Variants in EIF2B5 observed in about 807,000 individuals in gnomAD.
The protein encoded by EIF2B5 is eukaryotic translation initiation factor 2B subunit epsilon, also known as translation initiation factor eIF2B subunit epsilon.
A neutral mutation model predicts 87.3 loss-of-function variants in EIF2B5; 38 were observed. That is an observed-to-expected ratio of 0.44 (90% CI 0.34 to 0.57). The LOEUF (loss-of-function observed/expected upper bound fraction) is 0.57. Among genes scored for constraint, EIF2B5 ranks in the 20% least tolerant of loss-of-function variants. The pLI is 0.02. For missense variants in EIF2B5, 784 were observed against 909.5 expected (o/e 0.86, Z 1.78); for synonymous variants, 313 against 339.6 (o/e 0.92, Z 0.86).
intron 13 of EIF2B5, 100 bp downstream of exon 13, chr3:184,143,665 C>T: frequency 1.9e-6 from 3 of 1,574,922 alleles, no homozygotes; most frequent in Non-Finnish European, 2.6e-6. Context: ...CTTCTGGTTC[C>T]TTTTTCCTTG....
In EIF2B5 at chr3:184,144,114, A is replaced by G; in HGVS notation, c.1885A>G (p.Ser629Gly). Residue 629 changes from serine to glycine, a missense_variant, in exon 14 of 16, where the codon AGC (serine) becomes GGC (glycine). This residue lies in a region of EIF2B5 where 660 missense variants were observed against 789.5 expected (regional missense o/e 0.84). Transcript: ENST00000648915. ...TCTTCCATAGCTGCTAAAGGCCTGG[A>G]GCCCTGTTTTTAGGAACTACATAAA... ...ALLLPLLKAW[S>G]PVFRNYIKRA... 3 of 1,614,208 alleles carry G rather than the reference A, an allele frequency of 1.9e-6. No individual in the cohort carries two copies. The highest frequency in any genetic ancestry group is 2.5e-6 in the Non-Finnish European group (3 of 1,180,038).
chr3:184,143,230 T>G (rs747785207), intron 12 of EIF2B5, 88 bp downstream of exon 12: 18 of 1,511,286 alleles, frequency 1.2e-5, no homozygotes, highest in Non-Finnish European at 1.6e-5. Flanking sequence ...AATAGGAACC[T>G]ATTCCTTCGA....
chr3:184,137,133 C>T, intron 2 of EIF2B5: 2 of 346,982 alleles, frequency 5.8e-6, no homozygotes, highest in Non-Finnish European at 5.4e-6. Context: ...ATTCCCACTG[C>T]CTAGCTCAGT....
intron 2 of EIF2B5, chr3:184,137,166 A>G (rs972263428): frequency 1.2e-5 from 4 of 338,148 alleles, no homozygotes; most frequent in Non-Finnish European, 1.7e-5. Flanking sequence ...GTGAGCACTT[A>G]CATGTTTGTT....
At position 184,143,154 on chromosome 3, in the gene EIF2B5, C is replaced by T; in HGVS notation, c.1745+12C>T. On this transcript the variant is annotated intron_variant, in intron 12 of 15. Transcript: ENST00000648915. ...ATCAACTCTCTCAAGTAAGAGCAGCCCCTCCCTGTTCTCCTCGGGGTGATC... is the reference window on the plus strand; with the variant it reads ...ATCAACTCTCTCAAGTAAGAGCAGCTCCTCCCTGTTCTCCTCGGGGTGATC... 1 of 1,611,662 alleles carries T rather than the reference C, an allele frequency of 6.2e-7. No individual in the cohort carries two copies. Among genetic ancestry groups the T allele is most frequent in the Non-Finnish European group, 8.5e-7 (1 of 1,178,878 alleles).
In EIF2B5 at chr3:184,142,150, C is replaced by T; in HGVS notation, c.1302+80C>T. The T allele has an allele frequency of 6.2e-7, 1 of 1,613,834 alleles. No individual in the cohort carries two copies. Among genetic ancestry groups the T allele is most frequent in the Non-Finnish European group, 8.5e-7 (1 of 1,179,846 alleles). Reference sequence around the variant, plus strand: ...AGCCAGAAGGGGCATTATTTCCACCCATAATCCTGTCTAAAAAAGTTGCTC... The same window carrying T: ...AGCCAGAAGGGGCATTATTTCCACCTATAATCCTGTCTAAAAAAGTTGCTC... On this transcript the variant is annotated intron_variant, in intron 8 of 15. Transcript: ENST00000648915. This position sits in a 1 kb window ranked among gnomAD's most constrained non-coding sequence, Gnocchi z 5.0.
Position 184,142,667 on chromosome 3 carries a change from A to G in EIF2B5, c.1546+64A>G. Reference sequence around the variant, plus strand: ...CGGAATATTTTGAAGGATAATGAATACTTCAGAGTCACATTACTTATTCAC... The same window carrying G: ...CGGAATATTTTGAAGGATAATGAATGCTTCAGAGTCACATTACTTATTCAC... On this transcript the variant is annotated intron_variant, in intron 10 of 15. Transcript: ENST00000648915. The surrounding 1 kb of genome is among the most constrained non-coding windows in gnomAD (Gnocchi z 5.0). The G allele has an allele frequency of 3.9e-6, 6 of 1,551,660 alleles. No homozygotes were observed. In the South Asian group the frequency reaches 4.6e-5, roughly 12 times the overall value.
At position 184,143,102 on chromosome 3, in the gene EIF2B5, A is replaced by G. The variant is rs1360651642; in HGVS notation, c.1705A>G (p.Ile569Val). The change falls in exon 12 of 16, where the codon ATT (isoleucine) becomes GTT (valine). Residue 569 changes from isoleucine (I) to valine (V), a missense_variant. This residue lies in a region of EIF2B5 where 660 missense variants were observed against 789.5 expected (regional missense o/e 0.84). Coordinates refer to ENST00000648915, the MANE Select transcript of EIF2B5 (RefSeq NM_003907.3). The part of the protein sequence containing the change: ...GTLQRGKEEN[I>V]SCDNLVLEIN... Reference sequence around the variant, plus strand: ...ACTACAGCGGGGCAAAGAGGAGAACATTTCTTGTGACAATCTCGTCCTGGA... The same window carrying G: ...ACTACAGCGGGGCAAAGAGGAGAACGTTTCTTGTGACAATCTCGTCCTGGA... 1 of 1,613,936 alleles carries G rather than the reference A, an allele frequency of 6.2e-7. No homozygotes were observed. Among genetic ancestry groups the G allele is most frequent in the East Asian group, 2.2e-5 (1 of 44,880 alleles).
rs201196989 is a variant in EIF2B5, at chr3:184,142,909, G to A, written c.1654+23G>A. On this transcript the variant is annotated intron_variant, in intron 11 of 15. Coordinates refer to ENST00000648915, the MANE Select transcript of EIF2B5 (RefSeq NM_003907.3). The surrounding 1 kb of genome is among the most constrained non-coding windows in gnomAD (Gnocchi z 5.0). ...AAGGTGAGTGGCAGGGGAGAAATGC[G>A]CTGGACCAGTTTATTCTCTGCCTGG... 2.2e-5 allele frequency: 35 copies of A among 1,600,934 alleles called. No individual in the cohort carries two copies. Among genetic ancestry groups the A allele is most frequent in the South Asian group, 1.2e-4 (11 of 89,660 alleles).
At position 184,137,709 on chromosome 3, in the gene EIF2B5, A is replaced by T; in HGVS notation, c.410A>T (p.Asp137Val). ...CGATCACTGGGAGATGTCCTCCGTG[A>T]TGTTGATGCCAAGGCTTTGGTGCGC... Reference protein sequence around the residue: ...LYRSLGDVLRDVDAKALVRSD... With the variant: ...LYRSLGDVLRVVDAKALVRSD... The change falls in exon 3 of 16, where the codon GAT becomes GTT. Residue 137 changes from aspartate (D) to valine (V), a missense_variant. Coordinates refer to ENST00000648915, the MANE Select transcript of EIF2B5 (RefSeq NM_003907.3). 6.2e-7 allele frequency: 1 copy of T among 1,614,162 alleles called. No individual in the cohort carries two copies. Among genetic ancestry groups the T allele is most frequent in the Non-Finnish European group, 8.5e-7 (1 of 1,180,026 alleles).
At chr3:184,136,515 A>G in intron 1 of EIF2B5, 97 bp from the exon 2 acceptor site, 1 of 1,494,222 alleles carries the variant, frequency 6.7e-7, no homozygotes, top group South Asian at 1.1e-5. Flanking sequence ...GCAAAATTAC[A>G]CTGTTTGGAA....
chr3:184,142,926 T>G lies in EIF2B5; in HGVS notation c.1654+40T>G, dbSNP rs150324150. ...AGAAATGCGCTGGACCAGTTTATTC[T>G]CTGCCTGGATCAACTAGCCAGAGGC... On this transcript the variant is annotated intron_variant, in intron 11 of 15. Coordinates refer to ENST00000648915, the MANE Select transcript of EIF2B5 (RefSeq NM_003907.3). The surrounding 1 kb of genome is among the most constrained non-coding windows in gnomAD (Gnocchi z 5.0). The G allele has an allele frequency of 6.3e-7, 1 of 1,587,718 alleles. No homozygotes were observed. Among genetic ancestry groups the G allele is most frequent in the African/African-American group, 1.3e-5 (1 of 74,528 alleles).
rs1030824269 is a variant in EIF2B5, at chr3:184,135,724, C to CT, written c.195+145dup. On this transcript the variant is annotated intron_variant, in intron 1 of 15. Coordinates refer to ENST00000648915, the MANE Select transcript of EIF2B5 (RefSeq NM_003907.3). ...CTAAAACCGGATGCAGAGGGACTGT[C>CT]TAAACCCTGATGACTGCTGACCAAG... is the stretch of plus-strand genomic sequence containing the variant. 3.4e-5 allele frequency: 40 copies of CT among 1,178,620 alleles called. No individual in the cohort carries two copies. In the Middle Eastern group the frequency reaches 8.4e-4, roughly 25 times the overall value. The allele number at this position is 1,178,620 out of a possible 1,614,324, so 73.0% of individuals were successfully genotyped here.
At position 184,144,608 on chromosome 3, in the gene EIF2B5, T is replaced by C; in HGVS notation, c.2007T>C (p.Ala669=). 3 of 1,614,138 alleles carry C rather than the reference T, an allele frequency of 1.9e-6. No homozygotes were observed. Among genetic ancestry groups the C allele is most frequent in the Non-Finnish European group, 2.5e-6 (3 of 1,180,036 alleles). Residue 669 remains alanine, a synonymous_variant, in exon 15 of 16, where the codon GCT becomes GCC. Transcript: ENST00000648915. ...TTGGCCTTTTGCAGGTACTGATGGC[T>C]TTCTACCAGCTGGAGATCCTGGCTG... is the stretch of plus-strand genomic sequence containing the variant. The part of the protein sequence containing the change: ...LGISMAKVLM[A]FYQLEILAEE...
In EIF2B5 at chr3:184,140,729, T is replaced by C; in HGVS notation, c.1155T>C (p.Ile385=). The change falls in exon 7 of 16, where the codon ATT becomes ATC. Residue 385 remains isoleucine (I), a splice_region_variant and synonymous_variant. Transcript: ENST00000648915. ...GTGTCATTGGCCCCGGCTGCCACATTGGTGAGCACAGGTGGGGAATCAAGC... is the reference window on the plus strand; with the variant it reads ...GTGTCATTGGCCCCGGCTGCCACATCGGTGAGCACAGGTGGGGAATCAAGC... ...TNSVIGPGCH[I]GDNVVLDQTY... The C allele has an allele frequency of 6.2e-7, 1 of 1,614,024 alleles. No individual in the cohort carries two copies. The highest frequency in any genetic ancestry group is 8.5e-7 in the Non-Finnish European group (1 of 1,180,042).
chr3:184,142,114 C>T lies in EIF2B5; in HGVS notation c.1302+44C>T. On this transcript the variant is annotated intron_variant, in intron 8 of 15. Transcript: ENST00000648915. This position sits in a 1 kb window ranked among gnomAD's most constrained non-coding sequence, Gnocchi z 5.0. ...TGTGCACAGGCCCTGAATTGCATGG[C>T]AGTCACACTGAGCCAGAAGGGGCAT... 2 of 1,614,112 alleles carry T rather than the reference C, an allele frequency of 1.2e-6. No homozygotes were observed. Among genetic ancestry groups the T allele is most frequent in the South Asian group, 1.1e-5 (1 of 91,026 alleles).
intron 14 of EIF2B5, among the ~76,000 whole-genome samples, 173 bp downstream of exon 14, chr3:184,144,397 T>TG (rs1205144716): frequency 6.6e-6 from 1 of 152,208 alleles, no homozygotes; most frequent in Admixed American, 6.5e-5. Context: ...GGTAGCCATC[T>TG]GGGGGGTGGT....
At position 184,143,080 on chromosome 3, in the gene EIF2B5, A is replaced by G. The variant is rs756747325; in HGVS notation, c.1683A>G (p.Leu561=). Residue 561 remains leucine (L), a synonymous_variant, in exon 12 of 16, where the codon CTA becomes CTG. Transcript: ENST00000648915. Reference sequence around the variant, plus strand: ...TCCAGAATGAAGTTTTAGGAACACTACAGCGGGGCAAAGAGGAGAACATTT... The same window carrying G: ...TCCAGAATGAAGTTTTAGGAACACTGCAGCGGGGCAAAGAGGAGAACATTT... ...KVFQNEVLGT[L]QRGKEENISC... is the part of the protein sequence containing the mutation. The G allele has an allele frequency of 6.2e-7, 1 of 1,613,940 alleles. No homozygotes were observed. Among genetic ancestry groups the G allele is most frequent in the Non-Finnish European group, 8.5e-7 (1 of 1,179,924 alleles).
At chr3:184,140,187 G>A in intron 6 of EIF2B5, 30 bp downstream of exon 6, 1 of 1,587,726 alleles carries the variant, frequency 6.3e-7, no homozygotes, top group African/African-American at 1.3e-5. Flanking sequence ...GCCTCTTTAG[G>A]AGAGAGGAGA....
Sources: allele counts gnomAD v4.1 joint callset (sites outside exome capture counted in the v4.1 genomes callset), GRCh38; gene constraint gnomAD v4.1.1; regional missense constraint gnomAD v4.1.1; non-coding constraint Gnocchi (gnomAD v3.1); transcripts MANE v1.5; gene names NCBI Gene and HGNC (gene_info 2026-07-23, HGNC 2026-07-21).